Variants in TLE6 observed in about 807,000 individuals in gnomAD.
TLE6 encodes transducin-like enhancer protein 6.
In TLE6, 72 loss-of-function variants were observed where a neutral mutation model predicts 77.1. The observed-to-expected ratio is 0.93, with a 90% confidence interval of 0.77 to 1.14. TLE6 has a LOEUF of 1.14. Among genes scored for constraint, TLE6 ranks in the 50% most tolerant of loss-of-function variants. TLE6 has a pLI of 0.00. For synonymous variants in TLE6, 366 were observed against 287.3 expected (o/e 1.27, Z -2.77); for missense variants, 843 against 747.6 (o/e 1.13, Z -1.49).
At chr19:2,994,223 C>G in intron 16 of TLE6, 128 bp downstream of exon 16, 2 of 741,944 alleles carry the variant, frequency 2.7e-6, no homozygotes, top group Non-Finnish European at 4.3e-6. Flanking sequence ...CGGCTTTAAT[C>G]CCAGCATTTT....
rs564040171 is a variant in TLE6 at position 2,982,586 on chromosome 19, C to T, written c.222+397C>T. 3.9e-4 allele frequency among the ~76,000 whole-genome samples: 57 copies of T among 146,108 alleles called. 2 individuals are homozygous for T. The South Asian group carries it at 9.7e-3, about 25-fold the overall frequency. ...GGTGGGGGATGGTGAAGACAGAGGACGAGGGGTAGGTCATGCTGAGCCTTG... is the reference window on the plus strand; with the variant it reads ...GGTGGGGGATGGTGAAGACAGAGGATGAGGGGTAGGTCATGCTGAGCCTTG... On this transcript the variant is annotated intron_variant, in intron 5 of 16. Coordinates refer to ENST00000246112, the MANE Select transcript of TLE6 (RefSeq NM_001143986.2).
Position 2,987,785 on chromosome 19 carries a change from C to T in TLE6, c.620C>T (p.Ala207Val), listed in dbSNP as rs150334730. 19 of 1,614,166 alleles carry T rather than the reference C, an allele frequency of 1.2e-5. No homozygotes were observed. The highest frequency in any genetic ancestry group is 2.2e-5 in the East Asian group (1 of 44,880). The change falls in exon 9 of 17, where the codon GCC becomes GTC. Residue 207 changes from alanine to valine, a missense_variant. Physicochemically the swap from Ala to Val is moderately conservative, Grantham distance 64. Transcript: ENST00000246112. ...DPGTDPCPEDASTPRPPEASS... is the reference protein window; with the variant it reads ...DPGTDPCPEDVSTPRPPEASS... Reference sequence around the variant, plus strand: ...GGAACAGACCCATGTCCTGAAGATGCCTCCAGTAATCCCAGCGGGCAGGGG... The same window carrying T: ...GGAACAGACCCATGTCCTGAAGATGTCTCCAGTAATCCCAGCGGGCAGGGG...
Position 2,989,147 on chromosome 19 carries a change from A to T in TLE6, c.827A>T (p.Lys276Ile), listed in dbSNP as rs775054821. 17 of 1,614,046 alleles carry T rather than the reference A, an allele frequency of 1.1e-5. No homozygotes were observed. Among genetic ancestry groups the T allele is most frequent in the African/African-American group, 2.7e-5 (2 of 74,960 alleles). ...TCAAAGAGACTCGCCGTCCCGTGCA[A>T]ACTGGAAAAGATGCGGATCTTGGCA... ...GQSKRLAVPCKLEKMRILAHG... is the reference protein window; with the variant it reads ...GQSKRLAVPCILEKMRILAHG... Residue 276 changes from lysine to isoleucine, a missense_variant, in exon 12 of 17, where the codon AAA becomes ATA. Lys to Ile is a moderately radical substitution (Grantham distance 102). Coordinates refer to ENST00000246112, the MANE Select transcript of TLE6 (RefSeq NM_001143986.2).
chr19:2,978,858 C>G (rs1296082090), intron 2 of TLE6, among the ~76,000 whole-genome samples: 1 of 152,192 alleles, frequency 6.6e-6, no homozygotes, highest in Non-Finnish European at 1.5e-5. Context: ...CACTTTGCGT[C>G]CCAGAGATGA....
intron 5 of TLE6, chr19:2,984,214 G>A (rs2088858369): frequency 6.6e-6 from 1 of 152,264 alleles, no homozygotes; most frequent in African/African-American, 2.4e-5. Context: ...GCGCATTAAA[G>A]TGCCGGTAAA....
intron 5 of TLE6, among the ~76,000 whole-genome samples, chr19:2,985,233 G>C (rs2088882373): frequency 6.6e-6 from 1 of 151,858 alleles, no homozygotes; most frequent in Non-Finnish European, 1.5e-5. Flanking sequence ...CTGGGCGACA[G>C]AGCAAGACTG....
intron 2 of TLE6, 140 bp downstream of exon 2, chr19:2,978,424 G>A (rs2088723920): frequency 1.2e-6 from 1 of 803,458 alleles, no homozygotes; most frequent in East Asian, 2.7e-5. Flanking sequence ...CTACACTCAA[G>A]ACAGGTGCCA....
rs752098612 is a variant in TLE6, at chr19:2,989,123, CAA to C, written c.805_806del (p.Lys269GlufsTer51). On this transcript the variant is annotated frameshift_variant, in exon 12 of 17. Transcript: ENST00000246112. LOFTEE classifies it high-confidence loss of function. ...AGGCCAGATGCCTTGCCCGGGCAGT[CAA>C]AGAGACTCGCCGTCCCGTGCAAACT... 3.1e-6 allele frequency: 5 copies of C among 1,614,124 alleles called. No homozygotes were observed. Among genetic ancestry groups the C allele is most frequent in the South Asian group, 2.2e-5 (2 of 91,086 alleles).
At chr19:2,982,526 ACT>A (rs1400223575) in intron 5 of TLE6, among the ~76,000 whole-genome samples, 3 of 135,870 alleles carry the variant, frequency 2.2e-5, no homozygotes, top group Non-Finnish European at 3.1e-5. Flanking sequence ...CGACAGCGAG[ACT>A]CTGTCTCAAA....
chr19:2,984,849 C>T (rs1488331854), intron 5 of TLE6, among the ~76,000 whole-genome samples: 1 of 152,170 alleles, frequency 6.6e-6, no homozygotes, highest in Non-Finnish European at 1.5e-5. Context: ...TCTACTTGTA[C>T]TGGATGGTAT....
chr19:2,988,158 G>T, intron 11 of TLE6, 30 bp downstream of exon 11: 1 of 1,549,882 alleles, frequency 6.5e-7, no homozygotes, highest in Non-Finnish European at 8.7e-7. Flanking sequence ...GCTTTTGGGC[G>T]GGGTGAGGGG....
intron 3 of TLE6, 138 bp downstream of exon 3, chr19:2,980,320 C>T: frequency 1.7e-6 from 1 of 592,808 alleles, no homozygotes; most frequent in Non-Finnish European, 2.9e-6. Flanking sequence ...ATGCAGATAC[C>T]CAGCATGGAG....
rs182348079 is a variant in TLE6, at chr19:2,994,332, C to T, written c.1614+237C>T. On this transcript the variant is annotated intron_variant, in intron 16 of 16. Transcript: ENST00000246112. The stretch of plus-strand genomic sequence containing the variant: ...CTCTACAAAAAATAATTAGCTGAGC[C>T]GGGTGCGGTGGCTCACGCCTGTAAT... 2.8e-4 allele frequency among the ~76,000 whole-genome samples: 42 copies of T among 152,122 alleles called. No individual in the cohort carries two copies. In the East Asian group the frequency reaches 4.1e-3, roughly 15 times the overall value.
At chr19:2,978,513 G>A (rs1282087272) in intron 2 of TLE6, among the ~76,000 whole-genome samples, 1 of 152,166 alleles carries the variant, frequency 6.6e-6, no homozygotes, top group East Asian at 1.9e-4. Context: ...ATTTTTGGAG[G>A]CCGAGGCAGG....
Position 2,987,101 on chromosome 19 carries a change from C to T in TLE6, c.404C>T (p.Pro135Leu), listed in dbSNP as rs759221475. 2.5e-6 allele frequency: 4 copies of T among 1,614,024 alleles called. No individual in the cohort carries two copies. Among genetic ancestry groups the T allele is most frequent in the African/African-American group, 1.3e-5 (1 of 74,938 alleles). ...AGGTCCTCCGACTGGCTCCGGCGGCCTTTGGGGGAGGACAATCAGCCGGAG... is the reference window on the plus strand; with the variant it reads ...AGGTCCTCCGACTGGCTCCGGCGGCTTTTGGGGGAGGACAATCAGCCGGAG... ...ATRSSDWLRRPLGEDNQPETQ... is the reference protein window; with the variant it reads ...ATRSSDWLRRLLGEDNQPETQ... The change falls in exon 7 of 17, where the codon CCT (proline) becomes CTT (leucine). Residue 135 changes from proline to leucine, a missense_variant. Transcript: ENST00000246112.
chr19:2,993,709 T>C, intron 15 of TLE6, 127 bp downstream of exon 15: 1 of 1,218,076 alleles, frequency 8.2e-7, no homozygotes, highest in South Asian at 1.6e-5. Flanking sequence ...CAGAAACCAA[T>C]TTTGGGGATG....
chr19:2,993,645 C>A (rs567308351), intron 15 of TLE6, 63 bp downstream of exon 15: 2 of 1,505,368 alleles, frequency 1.3e-6, no homozygotes, highest in Non-Finnish European at 1.8e-6. Context: ...CAAGACCCCA[C>A]CTAATGCCAG....
chr19:2,994,487 G>C (rs932678152), intron 16 of TLE6, among the ~76,000 whole-genome samples: 4 of 151,966 alleles, frequency 2.6e-5, no homozygotes, highest in Non-Finnish European at 1.5e-5. Flanking sequence ...GTGGGCGCCT[G>C]TAGTCCCAGC....
chr19:2,987,112 G>T lies in TLE6; in HGVS notation c.415G>T (p.Asp139Tyr). Residue 139 changes from aspartate (D) to tyrosine (Y), a missense_variant, in exon 7 of 17, where the codon GAC becomes TAC. By Grantham distance (160) the Asp-to-Tyr change is radical. Transcript: ENST00000246112. ...CTGGCTCCGGCGGCCTTTGGGGGAG[G>T]ACAATCAGCCGGAGACCCAGCTGTT... ...SDWLRRPLGE[D>Y]NQPETQLFWD... The T allele has an allele frequency of 6.2e-7, 1 of 1,614,128 alleles. No homozygotes were observed. Among genetic ancestry groups the T allele is most frequent in the South Asian group, 1.1e-5 (1 of 91,086 alleles).
Sources: allele counts gnomAD v4.1 joint callset (sites outside exome capture counted in the v4.1 genomes callset), GRCh38; gene constraint gnomAD v4.1.1; transcripts MANE v1.5; gene names NCBI Gene and HGNC (gene_info 2026-07-23, HGNC 2026-07-21).